The following GRIK2 variants were observed in gnomAD, a reference collection of about 807,000 sequenced individuals.
GRIK2 encodes the protein glutamate receptor ionotropic, kainate 2.
In GRIK2, 32 loss-of-function variants were observed where a neutral mutation model predicts 100.3. The observed-to-expected ratio is 0.32, with a 90% confidence interval of 0.24 to 0.43. The LOEUF is 0.43. Among genes scored for constraint, GRIK2 ranks in the 20% least tolerant of loss-of-function variants. The probability of loss-of-function intolerance (pLI) is 1.00; values close to 1 mark genes in which losing one functional copy is unlikely to be tolerated. For missense variants in GRIK2, 843 were observed against 1,114.9 expected (o/e 0.76, Z 3.47); for synonymous variants, 417 against 389.4 (o/e 1.07, Z -0.83).
At chr6:101,789,945 A>G (rs1473681727) in intron 7 of GRIK2, among the ~76,000 whole-genome samples, 35 of 152,084 alleles carry the variant, frequency 2.3e-4, no homozygotes, top group Middle Eastern at 3.4e-3. Flanking sequence ...TGGATTCCTA[A>G]GTATTTTATT....
intron 7 of GRIK2, among the ~76,000 whole-genome samples, chr6:101,793,846 G>T (rs1201910910): frequency 6.6e-6 from 1 of 152,180 alleles, no homozygotes; most frequent in Non-Finnish European, 1.5e-5. Context: ...ACCTCCTTGA[G>T]CTGTGGTGGG....
chr6:101,715,698 A>G lies in GRIK2; in HGVS notation c.951+29345A>G, dbSNP rs1774017236. 2.6e-5 allele frequency among the ~76,000 whole-genome samples: 4 copies of G among 151,772 alleles called. No homozygotes were observed. In the Admixed American group the frequency reaches 2.6e-4, roughly 10 times the overall value. On this transcript the variant is annotated intron_variant, in intron 7 of 16. Coordinates refer to ENST00000369134, the MANE Select transcript of GRIK2 (RefSeq NM_021956.5). ...AAAAGAATTATTTCTGATGTTCCTG[A>G]CAAATCAGCAGAGTTGCAAGTGAAG...
In GRIK2 at chr6:101,589,144, G is replaced by GT. The variant is rs531552046; in HGVS notation, c.116-32804dup. ...TGCGATTCACTATGACACTGAACAGGTAATTAGCAACAGTTTTGTTTGTTG... is the reference window on the plus strand; with the variant it reads ...TGCGATTCACTATGACACTGAACAGGTTAATTAGCAACAGTTTTGTTTGTTG... On this transcript the variant is annotated intron_variant, in intron 2 of 16. Transcript: ENST00000369134. Among the ~76,000 whole-genome samples, 210 of 152,154 alleles carry GT rather than the reference G, an allele frequency of 1.4e-3. 1 individual carries two copies. Among genetic ancestry groups the GT allele is most frequent in the Middle Eastern group, 6.8e-3 (2 of 294 alleles).
At chr6:101,674,237 A>G (rs1770657819) in intron 4 of GRIK2, among the ~76,000 whole-genome samples, 1 of 152,176 alleles carries the variant, frequency 6.6e-6, no homozygotes, top group Admixed American at 6.5e-5. Context: ...TTTATGACCA[A>G]GAAGGTCATC....
intron 11 of GRIK2, among the ~76,000 whole-genome samples, chr6:101,864,543 CAGATTTGAGAAGTAAACTCT>C (rs1468297046): frequency 6.6e-6 from 1 of 152,136 alleles, no homozygotes; most frequent in East Asian, 1.9e-4. Context: ...GTTTTCAAAT[CAGATTTGAGAAGTAAACTCT>C]AAGTTGGGAC....
intron 12 of GRIK2, among the ~76,000 whole-genome samples, chr6:101,918,417 A>C (rs1210473671): frequency 6.6e-6 from 1 of 151,744 alleles, no homozygotes; most frequent in African/African-American, 2.4e-5. Context: ...TTAATGTTGA[A>C]TTAGCTTTTT....
At chr6:101,951,466 G>C (rs551748816) in intron 14 of GRIK2, among the ~76,000 whole-genome samples, 3 of 152,292 alleles carry the variant, frequency 2.0e-5, no homozygotes, top group South Asian at 4.1e-4. Flanking sequence ...TTCAGTATAT[G>C]CGTGTTTTGT....
intron 14 of GRIK2, among the ~76,000 whole-genome samples, chr6:101,935,885 G>C (rs1271252190): frequency 6.6e-6 from 1 of 151,994 alleles, no homozygotes; most frequent in Non-Finnish European, 1.5e-5. Context: ...CCTCAAACAT[G>C]ACATACTGTT....
chr6:101,787,570 A>G (rs1044171309), intron 7 of GRIK2, among the ~76,000 whole-genome samples: 1 of 152,140 alleles, frequency 6.6e-6, no homozygotes, highest in Admixed American at 6.6e-5. Flanking sequence ...ATGGTCATTC[A>G]AGAGTATGCT....
At chr6:101,968,386 A>T (rs1409649434) in intron 14 of GRIK2, among the ~76,000 whole-genome samples, 1 of 152,156 alleles carries the variant, frequency 6.6e-6, no homozygotes, top group Non-Finnish European at 1.5e-5. Flanking sequence ...TGAATAAAAC[A>T]AATTTGCATT....
chr6:101,920,056 G>T (rs1789388052), intron 12 of GRIK2, among the ~76,000 whole-genome samples: 2 of 151,826 alleles, frequency 1.3e-5, no homozygotes, highest in Admixed American at 1.3e-4. Flanking sequence ...ACTGTATTGG[G>T]ATGTATTCAA....
At chr6:101,492,120 C>A (rs1294101121) in intron 2 of GRIK2, among the ~76,000 whole-genome samples, 2 of 151,786 alleles carry the variant, frequency 1.3e-5, no homozygotes, top group African/African-American at 4.8e-5. Flanking sequence ...TTGCTTTTGG[C>A]ATTATCAAGT....
chr6:101,954,666 G>A (rs898306452), intron 14 of GRIK2, among the ~76,000 whole-genome samples: 5 of 152,056 alleles, frequency 3.3e-5, no homozygotes, highest in Non-Finnish European at 7.4e-5. Flanking sequence ...GATAGTTTAA[G>A]GTTTTCTTTC....
At chr6:101,660,945 C>T (rs1174013530) in intron 4 of GRIK2, among the ~76,000 whole-genome samples, 1 of 152,110 alleles carries the variant, frequency 6.6e-6, no homozygotes, top group Non-Finnish European at 1.5e-5. Flanking sequence ...AGTCAGGAGG[C>T]ATGGGGATCA....
At chr6:101,849,230 A>G (rs763424601) in intron 10 of GRIK2, among the ~76,000 whole-genome samples, 1 of 151,998 alleles carries the variant, frequency 6.6e-6, no homozygotes, top group Non-Finnish European at 1.5e-5. Context: ...AAAGGGAAAC[A>G]AAGAAAAACC....
At chr6:101,861,810 T>G (rs1469400748) in intron 11 of GRIK2, among the ~76,000 whole-genome samples, 1 of 152,144 alleles carries the variant, frequency 6.6e-6, no homozygotes, top group Non-Finnish European at 1.5e-5. Context: ...TGAAAATCAC[T>G]GATAATGAGG....
At chr6:101,604,092 A>G (rs944442476) in intron 2 of GRIK2, among the ~76,000 whole-genome samples, 1 of 151,652 alleles carries the variant, frequency 6.6e-6, no homozygotes, top group Non-Finnish European at 1.5e-5. Context: ...GCATACTAGC[A>G]CTGTACTAAA....
chr6:101,758,148 G>A (rs1777251568), intron 7 of GRIK2, among the ~76,000 whole-genome samples: 1 of 152,134 alleles, frequency 6.6e-6, no homozygotes, highest in Non-Finnish European at 1.5e-5. Flanking sequence ...GCTTGAGCCT[G>A]GGAGAGGGAG....
chr6:101,588,112 CTTTTAT>C (rs1466977322), intron 2 of GRIK2, among the ~76,000 whole-genome samples: 2 of 152,018 alleles, frequency 1.3e-5, no homozygotes, highest in African/African-American at 4.8e-5. Flanking sequence ...TTCCATTAGT[CTTTTAT>C]TTTGTTAGTG....
Sources: allele counts gnomAD v4.1 joint callset (sites outside exome capture counted in the v4.1 genomes callset), GRCh38; gene constraint gnomAD v4.1.1; transcripts MANE v1.5; gene names NCBI Gene and HGNC (gene_info 2026-07-23, HGNC 2026-07-21).